Variants in CCDC117 observed in about 807,000 individuals in gnomAD.
CCDC117 encodes coiled-coil domain-containing protein 117.
Under a neutral mutation model 23.5 loss-of-function variants are expected in CCDC117, and 1 was observed. The ratio of observed to expected loss-of-function variants is 0.04; its 90% CI spans 0.02 to 0.20. The LOEUF (loss-of-function observed/expected upper bound fraction) is 0.20. Among genes scored for constraint, CCDC117 ranks in the 10% least tolerant of loss-of-function variants. The pLI, the probability that CCDC117 is intolerant of heterozygous loss-of-function variation, is 1.00. For synonymous variants in CCDC117, 132 were observed against 124.8 expected (o/e 1.06, Z -0.39); for missense variants, 383 against 348.2 (o/e 1.10, Z -0.80).
In CCDC117 at chr22:28,787,448, T is replaced by C. The variant is rs1286817380; in HGVS notation, c.*1122T>C. 6.6e-6 allele frequency: 1 copy of C among 152,180 alleles called. No individual in the cohort carries two copies. The highest frequency in any genetic ancestry group is 1.5e-5 in the Non-Finnish European group (1 of 68,038). The allele number at this position is 152,180 out of a possible 1,614,324, so 9.4% of individuals were successfully genotyped here. A position where few individuals can be genotyped will look rare whatever the true frequency, so the allele number is the denominator to read the frequency against. On this transcript the variant is annotated 3_prime_UTR_variant, in exon 5 of 5. Coordinates refer to ENST00000249064, the MANE Select transcript of CCDC117 (RefSeq NM_173510.4). Reference sequence around the variant, plus strand: ...GCCACGGCACGCAGCCAGCAAGTTGTTTTTAAATGTTAATATAGAAAACAG... The same window carrying C: ...GCCACGGCACGCAGCCAGCAAGTTGCTTTTAAATGTTAATATAGAAAACAG...
chr22:28,786,173 G>C lies in CCDC117; in HGVS notation c.687G>C (p.Lys229Asn), dbSNP rs759917186. ...AGCCAAAGCCATCCTCTAATACTAA[G>C]AACTATACAGGAGAGAGCCAAGCTA... The part of the protein sequence containing the change: ...SDKPKPSSNT[K>N]NYTGESQAKH... The change falls in exon 5 of 5, where the codon AAG becomes AAC. Residue 229 changes from lysine to asparagine, a missense_variant. By Grantham distance (94) the Lys-to-Asn change is moderately conservative. Coordinates refer to ENST00000249064, the MANE Select transcript of CCDC117 (RefSeq NM_173510.4). 26 of 1,614,084 alleles carry C rather than the reference G, an allele frequency of 1.6e-5. No homozygotes were observed. The highest frequency in any genetic ancestry group is 2.2e-5 in the Non-Finnish European group (26 of 1,179,996).
rs2031573730 is a variant in CCDC117, at chr22:28,788,212, A to G, written c.*1886A>G. On this transcript the variant is annotated 3_prime_UTR_variant, in exon 5 of 5. Coordinates refer to ENST00000249064, the MANE Select transcript of CCDC117 (RefSeq NM_173510.4). ...AAACTGTATTCTTTTGAAATGTGCA[A>G]GTGTTTGATTCATGCCATTTGATAA... The G allele has an allele frequency of 6.6e-6, 1 of 152,652 alleles. No individual in the cohort carries two copies. Among genetic ancestry groups the G allele is most frequent in the African/African-American group, 2.4e-5 (1 of 41,448 alleles). The allele number at this position is 152,652 out of a possible 1,614,324, so 9.5% of individuals were successfully genotyped here.
At chr22:28,776,944 TC>T (rs902985155) in intron 2 of CCDC117, among the ~76,000 whole-genome samples, 25 of 152,144 alleles carry the variant, frequency 1.6e-4, no homozygotes, top group African/African-American at 4.3e-4. Flanking sequence ...GGTCTAAAAC[TC>T]ATGACTTCAA....
intron 2 of CCDC117, among the ~76,000 whole-genome samples, chr22:28,776,633 G>A (rs2031169898): frequency 6.6e-6 from 1 of 150,854 alleles, no homozygotes; most frequent in Admixed American, 6.6e-5. Flanking sequence ...TGCCCAGGCT[G>A]GAGCGCAATG....
At chr22:28,773,086 C>T (rs1345380612) in intron 1 of CCDC117, 52 bp downstream of exon 1, 1 of 941,440 alleles carries the variant, frequency 1.1e-6, no homozygotes, top group Non-Finnish European at 1.3e-6. Context: ...GGCGGGCAGG[C>T]TGGGCGCCCC....
chr22:28,773,924 A>G (rs2031079931), intron 2 of CCDC117, 146 bp downstream of exon 2: 1 of 691,858 alleles, frequency 1.4e-6, no homozygotes, highest in Non-Finnish European at 2.6e-6. Flanking sequence ...GTTGTCTTTT[A>G]GAGAAAGTAA....
Position 28,772,806 on chromosome 22 carries a change from C to A in CCDC117, c.-44C>A, listed in dbSNP as rs1006326623. ...GCTGCGGCTGCCGGGCCTGGGGACG[C>A]GGGCGGCCGAGGCCGCCGTCGCAGC... On this transcript the variant is annotated 5_prime_UTR_variant, in exon 1 of 5. Transcript: ENST00000249064. 3.3e-6 allele frequency: 4 copies of A among 1,215,920 alleles called. No homozygotes were observed. The highest frequency in any genetic ancestry group is 4.1e-6 in the Non-Finnish European group (4 of 976,900). The allele number at this position is 1,215,920 out of a possible 1,614,324, so 75.3% of individuals were successfully genotyped here. A position where few individuals can be genotyped will look rare whatever the true frequency, so the allele number is the denominator to read the frequency against.
At position 28,772,698 on chromosome 22, in the gene CCDC117, C is replaced by G; in HGVS notation, c.-152C>G. 2.0e-6 allele frequency: 1 copy of G among 490,638 alleles called. No homozygotes were observed. Among genetic ancestry groups the G allele is most frequent in the Non-Finnish European group, 3.1e-6 (1 of 320,098 alleles). 30.4% of individuals were successfully genotyped at this position (490,638 alleles called of 1,614,324 possible). A position where few individuals can be genotyped will look rare whatever the true frequency, so the allele number is the denominator to read the frequency against. The stretch of plus-strand genomic sequence containing the variant: ...CAACAAATCCCGGCATGCCCCCGAG[C>G]GGCCTGAGGTGGAGGGTTCTAGAAG... On this transcript the variant is annotated 5_prime_UTR_variant, in exon 1 of 5. Transcript: ENST00000249064.
chr22:28,778,250 T>C (rs1601422812), intron 2 of CCDC117, among the ~76,000 whole-genome samples: 2 of 152,220 alleles, frequency 1.3e-5, no homozygotes, highest in African/African-American at 4.8e-5. Flanking sequence ...TTGGACACTT[T>C]GGATTTTCTA....
rs770315729 is a variant in CCDC117 at position 28,783,538 on chromosome 22, T to C, written c.495T>C (p.Ala165=). The change falls in exon 4 of 5, where the codon GCT becomes GCC. Residue 165 remains alanine, a synonymous_variant. Coordinates refer to ENST00000249064, the MANE Select transcript of CCDC117 (RefSeq NM_173510.4). Reference sequence around the variant, plus strand: ...TTGATGAAGATGAAGAAGTTGAAGCTGACAGAAATGTTAACCATCTCCCCA... The same window carrying C: ...TTGATGAAGATGAAGAAGTTGAAGCCGACAGAAATGTTAACCATCTCCCCA... ...RIIDEDEEVE[A]DRNVNHLPSL... 1 of 1,613,834 alleles carries C rather than the reference T, an allele frequency of 6.2e-7. No individual in the cohort carries two copies. Among genetic ancestry groups the C allele is most frequent in the East Asian group, 2.2e-5 (1 of 44,848 alleles).
At chr22:28,783,468 T>A (rs574208461) in intron 3 of CCDC117, 40 bp from the exon 4 acceptor site, 1 of 1,582,868 alleles carries the variant, frequency 6.3e-7, no homozygotes, top group Non-Finnish European at 8.6e-7. Flanking sequence ...ATAGCTTGAC[T>A]AAATATTTTT....
Position 28,781,724 on chromosome 22 carries a change from A to G in CCDC117, c.464+552A>G, listed in dbSNP as rs1315924996. ...AGTGGTGCCATCTTGGCTCAATGCA[A>G]CCTCCACCTCCCGGGTTCAAGTGAT... On this transcript the variant is annotated intron_variant, in intron 3 of 4. Transcript: ENST00000249064. Among the ~76,000 whole-genome samples, 4 of 150,680 alleles carry G rather than the reference A, an allele frequency of 2.7e-5. No individual in the cohort carries two copies. The East Asian group carries it at 5.8e-4, about 22-fold the overall frequency.
chr22:28,773,735 C>A lies in CCDC117; in HGVS notation c.196C>A (p.His66Asn). The A allele has an allele frequency of 6.2e-7, 1 of 1,613,332 alleles. No individual in the cohort carries two copies. The highest frequency in any genetic ancestry group is 1.1e-5 in the South Asian group (1 of 91,068). ...TGTTTGTTTCAACAGTGTTTCTGTT[C>A]ACTGTAAAAAGAAACACAAGCGAGA... The part of the protein sequence containing the change: ...GSAARGRVSV[H>N]CKKKHKREEE... The change falls in exon 2 of 5, where the codon CAC becomes AAC. Residue 66 changes from histidine to asparagine, a missense_variant. His to Asn is a moderately conservative substitution (Grantham distance 68). Coordinates refer to ENST00000249064, the MANE Select transcript of CCDC117 (RefSeq NM_173510.4).
Position 28,781,839 on chromosome 22 carries a change from C to T in CCDC117, c.464+667C>T, listed in dbSNP as rs1401331335. ...TGTATTTTTAATAGAGATGGGGTTT[C>T]TCCATTTTGGTCAGGCTGGTCTGGA... On this transcript the variant is annotated intron_variant, in intron 3 of 4. Coordinates refer to ENST00000249064, the MANE Select transcript of CCDC117 (RefSeq NM_173510.4). Among the ~76,000 whole-genome samples the T allele has an allele frequency of 3.3e-5, 5 of 149,878 alleles. No homozygotes were observed. The Admixed American group carries it at 3.3e-4, about 10-fold the overall frequency.
At chr22:28,780,284 G>A (rs536996168) in intron 2 of CCDC117, among the ~76,000 whole-genome samples, 3 of 152,300 alleles carry the variant, frequency 2.0e-5, no homozygotes, top group Non-Finnish European at 2.9e-5. Context: ...TAGAGCCTCT[G>A]ACATTTTGAA....
At chr22:28,783,373 AT>A (rs1040183361) in intron 3 of CCDC117, 134 bp from the exon 4 acceptor site, 4 of 777,590 alleles carry the variant, frequency 5.1e-6, no homozygotes, top group Non-Finnish European at 7.9e-6. Flanking sequence ...GTATAGCCTC[AT>A]TTTTTGCTTG....
intron 1 of CCDC117, chr22:28,773,383 C>T: frequency 4.2e-6 from 1 of 236,828 alleles, no homozygotes; most frequent in East Asian, 8.0e-5. Context: ...GTCTCATCTG[C>T]AAAGTATGCC....
At position 28,786,367 on chromosome 22, in the gene CCDC117, T is replaced by C; in HGVS notation, c.*41T>C. The C allele has an allele frequency of 7.0e-7, 1 of 1,434,032 alleles. No individual in the cohort carries two copies. Among genetic ancestry groups the C allele is most frequent in the Non-Finnish European group, 9.8e-7 (1 of 1,022,582 alleles). The allele number at this position is 1,434,032 out of a possible 1,614,324, so 88.8% of individuals were successfully genotyped here. On this transcript the variant is annotated 3_prime_UTR_variant, in exon 5 of 5. Transcript: ENST00000249064. Reference sequence around the variant, plus strand: ...CTAAAGTTGTCAAATGTTAGAAGAATCCTGTGTTCAGTTATGAGACTCTTT... The same window carrying C: ...CTAAAGTTGTCAAATGTTAGAAGAACCCTGTGTTCAGTTATGAGACTCTTT...
At chr22:28,775,585 T>C (rs1480634708) in intron 2 of CCDC117, among the ~76,000 whole-genome samples, 3 of 152,032 alleles carry the variant, frequency 2.0e-5, no homozygotes, top group Non-Finnish European at 4.4e-5. Context: ...AAAAATTATA[T>C]CTCATAAACA....
Sources: gnomAD v4.1 joint callset for allele counts (sites outside exome capture counted in the v4.1 genomes callset) on GRCh38, gnomAD v4.1.1 for gene constraint, MANE v1.5 for transcripts, NCBI Gene and HGNC (gene_info 2026-07-23, HGNC 2026-07-21) for gene names.